The following BNC2 variants were observed in gnomAD, a reference collection of about 807,000 sequenced individuals.
BNC2 encodes the protein basonuclin zinc finger protein 2.
BNC2 carries 20 observed loss-of-function variants against 76.3 expected under a neutral mutation model. That is an observed-to-expected ratio of 0.26 (90% confidence interval 0.18 to 0.38). The LOEUF (loss-of-function observed/expected upper bound fraction) is 0.38. Ranked by LOEUF, BNC2 falls within the 10% of genes least tolerant of loss-of-function variation. BNC2 has a pLI of 1.00. For missense variants in BNC2, 1,382 were observed against 1,399.8 expected, an observed-to-expected ratio of 0.99 and a Z score of 0.20; for synonymous variants, 582 against 514.8, an observed-to-expected ratio of 1.13 and a Z score of -1.77.
rs7020866 is a variant in BNC2 at position 16,827,073 on chromosome 9, T to C, written c.3+43573A>G. Among the ~76,000 whole-genome samples, 531 of 152,332 alleles carry C rather than the reference T, an allele frequency of 3.5e-3. 1 individual carries two copies. The highest frequency in any genetic ancestry group is 0.01 in the African/African-American group (432 of 41,592). Reference sequence around the variant, plus strand: ...CGATGTTACCAATTAGACTTGGAGATAGCTACCACAGCACTGACTATAATG... The same window carrying C: ...CGATGTTACCAATTAGACTTGGAGACAGCTACCACAGCACTGACTATAATG... On this transcript the variant is annotated intron_variant, in intron 1 of 6. Coordinates refer to ENST00000380672, the MANE Select transcript of BNC2 (RefSeq NM_017637.6).
intron 1 of BNC2, among the ~76,000 whole-genome samples, chr9:16,842,697 G>A (rs1286323879): frequency 6.6e-6 from 1 of 151,948 alleles, no homozygotes; most frequent in Non-Finnish European, 1.5e-5. Flanking sequence ...AGGATATATA[G>A]GAATTCATTG....
At chr9:16,634,647 A>C (rs1042499591) in intron 3 of BNC2, among the ~76,000 whole-genome samples, 13 of 151,864 alleles carry the variant, frequency 8.6e-5, no homozygotes, top group African/African-American at 3.1e-4. Flanking sequence ...GGCTACAGGC[A>C]CCTGCCACCA....
chr9:16,489,256 C>T (rs1261298746), intron 5 of BNC2, among the ~76,000 whole-genome samples: 1 of 152,148 alleles, frequency 6.6e-6, no homozygotes. Flanking sequence ...CTTTACTGCA[C>T]ATCTCAATTT....
At chr9:16,756,417 T>G (rs543444894) in intron 1 of BNC2, among the ~76,000 whole-genome samples, 142 of 152,278 alleles carry the variant, frequency 9.3e-4, no homozygotes, top group African/African-American at 2.8e-3. Flanking sequence ...TCTATTACTC[T>G]GGTACAGACT....
chr9:16,449,843 G>GC (rs1336921238), intron 5 of BNC2, among the ~76,000 whole-genome samples: 1 of 138,802 alleles, frequency 7.2e-6, no homozygotes. Flanking sequence ...AGGTGGGGCG[G>GC]GGGGGGAGGG....
At chr9:16,544,621 C>A (rs770886761) in intron 5 of BNC2, among the ~76,000 whole-genome samples, 5 of 151,812 alleles carry the variant, frequency 3.3e-5, no homozygotes, top group Non-Finnish European at 7.4e-5. Flanking sequence ...AGTTTGAGAC[C>A]AGCCTGGCCA....
intron 4 of BNC2, among the ~76,000 whole-genome samples, chr9:16,578,093 T>A (rs1360345158): frequency 6.6e-6 from 1 of 152,114 alleles, no homozygotes; most frequent in Admixed American, 6.5e-5. Flanking sequence ...ATGAGCTTCA[T>A]CAGAAGAAAA....
intron 1 of BNC2, among the ~76,000 whole-genome samples, chr9:16,843,905 G>C (rs1233228437): frequency 6.6e-6 from 1 of 152,196 alleles, no homozygotes; most frequent in African/African-American, 2.4e-5. Flanking sequence ...AATGCCATGA[G>C]GATGCAACGA....
intron 5 of BNC2, among the ~76,000 whole-genome samples, chr9:16,532,744 A>G (rs1314759108): frequency 2.6e-5 from 4 of 152,186 alleles, no homozygotes; most frequent in Non-Finnish European, 4.4e-5. Flanking sequence ...ACATTTTACT[A>G]TTATCTGTGC....
chr9:16,714,767 A>C (rs1823949629), intron 3 of BNC2, among the ~76,000 whole-genome samples: 2 of 152,188 alleles, frequency 1.3e-5, no homozygotes, highest in Non-Finnish European at 2.9e-5. Context: ...TTTCCCACGA[A>C]AATCAATAAC....
intron 5 of BNC2, among the ~76,000 whole-genome samples, chr9:16,463,500 T>A (rs1048989243): frequency 5.4e-5 from 8 of 147,056 alleles, no homozygotes; most frequent in Admixed American, 4.7e-4. Flanking sequence ...GTTTCACCGT[T>A]TTAGCCAGGA....
At chr9:16,426,847 G>A (rs929305796) in intron 6 of BNC2, among the ~76,000 whole-genome samples, 6 of 152,190 alleles carry the variant, frequency 3.9e-5, no homozygotes, top group Non-Finnish European at 8.8e-5. Flanking sequence ...TCCCTCTGAT[G>A]TTATTAACCA....
chr9:16,639,759 A>T (rs915011697), intron 3 of BNC2, among the ~76,000 whole-genome samples: 8 of 152,090 alleles, frequency 5.3e-5, no homozygotes, highest in East Asian at 1.9e-4. Flanking sequence ...CTCTACAAAA[A>T]TTTTTTTTAA....
intron 1 of BNC2, among the ~76,000 whole-genome samples, chr9:16,818,733 C>G (rs1473351411): frequency 1.3e-5 from 2 of 152,086 alleles, no homozygotes. Flanking sequence ...CACTAAGTTG[C>G]CCAGGCTGGT....
At chr9:16,571,849 A>T (rs1819333204) in intron 4 of BNC2, among the ~76,000 whole-genome samples, 1 of 152,132 alleles carries the variant, frequency 6.6e-6, no homozygotes, top group Non-Finnish European at 1.5e-5. Flanking sequence ...GAACATAATA[A>T]AATATGAAGA....
chr9:16,799,643 TA>T (rs1817735400), intron 1 of BNC2, among the ~76,000 whole-genome samples: 1 of 152,168 alleles, frequency 6.6e-6, no homozygotes, highest in African/African-American at 2.4e-5. Context: ...AATCCCATTG[TA>T]TTTACAGAAC....
At chr9:16,470,749 C>T (rs1331259775) in intron 5 of BNC2, among the ~76,000 whole-genome samples, 4 of 152,224 alleles carry the variant, frequency 2.6e-5, no homozygotes, top group Non-Finnish European at 5.9e-5. Context: ...TCGGAACCTC[C>T]GCCTAGATTT....
intron 3 of BNC2, among the ~76,000 whole-genome samples, chr9:16,707,933 C>T (rs376864643): frequency 3.3e-5 from 5 of 152,140 alleles, no homozygotes; most frequent in Admixed American, 6.5e-5. Context: ...TGAGCCACCA[C>T]GCCGGGCCAA....
chr9:16,750,418 C>T (rs1310891634), intron 1 of BNC2, among the ~76,000 whole-genome samples: 1 of 152,214 alleles, frequency 6.6e-6, no homozygotes, highest in Non-Finnish European at 1.5e-5. Context: ...TACCACTCAT[C>T]TCTAAACTAA....
Sources: gnomAD v4.1 joint callset for allele counts (sites outside exome capture counted in the v4.1 genomes callset) on GRCh38, gnomAD v4.1.1 for gene constraint, MANE v1.5 for transcripts, NCBI Gene and HGNC (gene_info 2026-07-23, HGNC 2026-07-21) for gene names.